Variants in CSMD1 observed in about 807,000 individuals in gnomAD.
The protein encoded by CSMD1 is CUB and Sushi multiple domains 1.
Under a neutral mutation model 417.5 loss-of-function variants are expected in CSMD1, and 213 were observed. That is an observed-to-expected ratio of 0.51 (90% CI 0.46 to 0.57). The LOEUF (loss-of-function observed/expected upper bound fraction) is 0.57. Ranked by LOEUF, CSMD1 falls within the 20% of genes least tolerant of loss-of-function variation. The pLI is 0.00. For missense variants in CSMD1, 6,923 were observed against 4,529.7 expected, an observed-to-expected ratio of 1.53 and a Z score of -15.17; for synonymous variants, 2,862 against 1,736.8, an observed-to-expected ratio of 1.65 and a Z score of -16.11.
chr8:4,219,176 C>G (rs1032443727), intron 3 of CSMD1, among the ~76,000 whole-genome samples: 2 of 152,202 alleles, frequency 1.3e-5, no homozygotes, highest in Non-Finnish European at 2.9e-5. Context: ...CCCATCTCCC[C>G]TCCCGTGTTC....
At chr8:4,726,775 G>C (rs922706802) in intron 1 of CSMD1, among the ~76,000 whole-genome samples, 1 of 152,070 alleles carries the variant, frequency 6.6e-6, no homozygotes, top group Admixed American at 6.6e-5. Flanking sequence ...CCTATGTTCT[G>C]GCTTGTATTA....
At chr8:3,588,622 C>G (rs1274882233) in intron 8 of CSMD1, among the ~76,000 whole-genome samples, 2 of 152,082 alleles carry the variant, frequency 1.3e-5, no homozygotes, top group African/African-American at 2.4e-5. Flanking sequence ...CTACATCCAA[C>G]CAATATTCCT....
intron 4 of CSMD1, among the ~76,000 whole-genome samples, chr8:4,013,328 T>A (rs765371621): frequency 1.3e-5 from 2 of 152,156 alleles, no homozygotes; most frequent in Non-Finnish European, 2.9e-5. Flanking sequence ...CACCGTACGC[T>A]GTTGTCTCAA....
At chr8:4,382,788 G>A (rs754193091) in intron 3 of CSMD1, among the ~76,000 whole-genome samples, 3 of 152,078 alleles carry the variant, frequency 2.0e-5, no homozygotes, top group Non-Finnish European at 4.4e-5. Flanking sequence ...AATAATGATG[G>A]CCCCTCAGTG....
intron 1 of CSMD1, among the ~76,000 whole-genome samples, chr8:4,909,440 G>T (rs775745067): frequency 4.6e-5 from 7 of 152,096 alleles, no homozygotes; most frequent in African/African-American, 1.7e-4. Flanking sequence ...AAGGCTAAAG[G>T]GGTCTGTCTG....
intron 3 of CSMD1, among the ~76,000 whole-genome samples, chr8:4,214,350 T>G (rs760274580): frequency 6.6e-6 from 1 of 152,190 alleles, no homozygotes; most frequent in Non-Finnish European, 1.5e-5. Flanking sequence ...GAGGCTGGAG[T>G]GCAGTGGTGC....
intron 4 of CSMD1, among the ~76,000 whole-genome samples, chr8:4,013,297 T>G (rs764349159): frequency 6.6e-6 from 1 of 152,150 alleles, no homozygotes. Flanking sequence ...CACACTGCCG[T>G]TGCTCTATTC....
rs75949562 is a variant in CSMD1 at position 4,751,949 on chromosome 8, G to A, written c.86-114391C>T. ...AAGATCCATGTAATCTGAGAGTGGG[G>A]GAAGTGCAAAGAATATATACATATA... On this transcript the variant is annotated intron_variant, in intron 1 of 69. Coordinates refer to ENST00000635120, the MANE Select transcript of CSMD1 (RefSeq NM_033225.6). Among the ~76,000 whole-genome samples the A allele has an allele frequency of 3.7e-3, 569 of 152,180 alleles. 2 individuals are homozygous for A. The highest frequency in any genetic ancestry group is 0.013 in the African/African-American group (538 of 41,518).
chr8:4,063,309 G>C (rs1031307866), intron 3 of CSMD1, among the ~76,000 whole-genome samples: 6 of 151,598 alleles, frequency 4.0e-5, no homozygotes, highest in African/African-American at 1.2e-4. Context: ...TAGTTACAAT[G>C]TAAAAAATAA....
intron 26 of CSMD1, among the ~76,000 whole-genome samples, chr8:3,253,991 A>C (rs1800463832): frequency 6.6e-6 from 1 of 152,080 alleles, no homozygotes; most frequent in Non-Finnish European, 1.5e-5. Context: ...ACAATTTTGC[A>C]TGTTTTTGCA....
chr8:4,153,048 G>C (rs7006073), intron 3 of CSMD1, among the ~76,000 whole-genome samples: 42,181 of 152,010 alleles, frequency 0.28, 6,344 homozygotes, highest in African/African-American at 0.4. Flanking sequence ...CTTGTAACGT[G>C]TTATTAACAG....
intron 3 of CSMD1, among the ~76,000 whole-genome samples, chr8:4,034,639 T>G (rs182480913): frequency 3.8e-4 from 58 of 152,242 alleles, no homozygotes; most frequent in African/African-American, 1.3e-3. Flanking sequence ...AGACACACGT[T>G]GTATAGCCAC....
At chr8:4,966,782 T>C (rs575606336) in intron 1 of CSMD1, among the ~76,000 whole-genome samples, 1 of 152,322 alleles carries the variant, frequency 6.6e-6, no homozygotes, top group Non-Finnish European at 1.5e-5. Context: ...AACTCAGATA[T>C]ACTCGAACTG....
intron 2 of CSMD1, among the ~76,000 whole-genome samples, chr8:4,536,972 T>C (rs1292304411): frequency 6.6e-6 from 1 of 152,192 alleles, no homozygotes; most frequent in African/African-American, 2.4e-5. Context: ...ATATCATGAT[T>C]ATCATTTTCA....
chr8:3,792,066 CTA>C (rs1282830712), intron 5 of CSMD1, among the ~76,000 whole-genome samples: 1 of 152,116 alleles, frequency 6.6e-6, no homozygotes, highest in African/African-American at 2.4e-5. Flanking sequence ...AACCAAATCT[CTA>C]TGTTTTCCTC....
intron 1 of CSMD1, among the ~76,000 whole-genome samples, chr8:4,701,934 A>G (rs1276890720): frequency 2.6e-5 from 4 of 152,218 alleles, no homozygotes; most frequent in African/African-American, 9.6e-5. Flanking sequence ...AGCCATAAAA[A>G]GGAATGAGAT....
At chr8:4,250,678 G>C (rs935208662) in intron 3 of CSMD1, among the ~76,000 whole-genome samples, 2 of 152,058 alleles carry the variant, frequency 1.3e-5, no homozygotes, top group African/African-American at 4.8e-5. Flanking sequence ...ATAATTTTAT[G>C]TCTCAGCAAA....
chr8:3,087,565 G>C (rs1036048488), intron 48 of CSMD1, among the ~76,000 whole-genome samples: 1 of 152,114 alleles, frequency 6.6e-6, no homozygotes, highest in African/African-American at 2.4e-5. Context: ...CAATCTTTAG[G>C]CTTCCCTGGG....
At chr8:3,836,572 G>C (rs966719232) in intron 5 of CSMD1, among the ~76,000 whole-genome samples, 1 of 152,124 alleles carries the variant, frequency 6.6e-6, no homozygotes, top group Non-Finnish European at 1.5e-5. Flanking sequence ...TGATATTGAA[G>C]CTTGGTCTTT....
Sources: allele counts gnomAD v4.1 joint callset (sites outside exome capture counted in the v4.1 genomes callset), GRCh38; gene constraint gnomAD v4.1.1; transcripts MANE v1.5; gene names NCBI Gene and HGNC (gene_info 2026-07-23, HGNC 2026-07-21).